Variants in TMEM39A observed in about 807,000 individuals in gnomAD.
The protein encoded by TMEM39A is transmembrane protein 39A, also known as suppressor of SQST-1 aggregates in rpl-43 mutants.
TMEM39A carries 19 observed loss-of-function variants against 51.9 expected under a neutral mutation model. The observed-to-expected ratio is 0.37, with a 90% confidence interval of 0.26 to 0.54. The LOEUF (loss-of-function observed/expected upper bound fraction) is 0.54, where lower values mean the gene tolerates loss of function less well. Among genes scored for constraint, TMEM39A ranks in the 20% least tolerant of loss-of-function variants. The pLI, the probability that TMEM39A is intolerant of heterozygous loss-of-function variation, is 0.88. For missense variants in TMEM39A, 433 were observed against 590.5 expected, an observed-to-expected ratio of 0.73 and a Z score of 2.76; for synonymous variants, 197 against 220.2, an observed-to-expected ratio of 0.89 and a Z score of 0.93.
chr3:119,431,908 A>G lies in TMEM39A; in HGVS notation c.*73T>C, dbSNP rs940689916. 1 of 1,036,786 alleles carries G rather than the reference A, an allele frequency of 9.6e-7. No individual in the cohort carries two copies. The highest frequency in any genetic ancestry group is 1.4e-6 in the Non-Finnish European group (1 of 735,948). 64.2% of individuals were successfully genotyped at this position (1,036,786 alleles called of 1,614,324 possible). On this transcript the variant is annotated 3_prime_UTR_variant, in exon 9 of 9. Coordinates refer to ENST00000319172, the MANE Select transcript of TMEM39A (RefSeq NM_018266.3). ...AATATAAAATATCTTAAATATTTAT[A>G]AAAATCACAAGAAAAAAATAGAACG...
intron 2 of TMEM39A, 133 bp from the exon 3 acceptor site, chr3:119,458,373 C>T (rs2081294094): frequency 1.4e-6 from 1 of 693,132 alleles, no homozygotes; most frequent in South Asian, 1.9e-5. Flanking sequence ...CTGGGATCCT[C>T]TTTTCTCCCT....
intron 8 of TMEM39A, among the ~76,000 whole-genome samples, chr3:119,433,889 A>T (rs551730324): frequency 2.3e-4 from 35 of 152,332 alleles, no homozygotes; most frequent in African/African-American, 8.2e-4. Context: ...GCAAGTTCCC[A>T]AAACTTAATT....
intron 4 of TMEM39A, among the ~76,000 whole-genome samples, chr3:119,450,334 GC>G (rs1009083466): frequency 6.6e-6 from 1 of 151,964 alleles, no homozygotes; most frequent in African/African-American, 2.4e-5. Context: ...TCTGCACCTT[GC>G]TTTTTTCATT....
chr3:119,449,352 T>C (rs1012979993), intron 4 of TMEM39A, among the ~76,000 whole-genome samples: 1 of 152,168 alleles, frequency 6.6e-6, no homozygotes, highest in African/African-American at 2.4e-5. Context: ...GGCAGGTGGA[T>C]CACCTGAGGT....
chr3:119,449,474 C>T (rs879765489), intron 4 of TMEM39A, among the ~76,000 whole-genome samples: 3 of 151,180 alleles, frequency 2.0e-5, no homozygotes, highest in African/African-American at 4.9e-5. Context: ...CTTGGGAGGC[C>T]GAGGCAGGAG....
At chr3:119,435,793 A>G in intron 7 of TMEM39A, 1 of 1,224,390 alleles carries the variant, frequency 8.2e-7, no homozygotes, top group Non-Finnish European at 1.1e-6. Flanking sequence ...GCCATGTGCC[A>G]TCAGTAGCCT....
At chr3:119,435,407 C>G in intron 7 of TMEM39A, 1 of 984,896 alleles carries the variant, frequency 1.0e-6, no homozygotes, top group Non-Finnish European at 1.2e-6. Context: ...AGAAGATATA[C>G]AGTAGAACAC....
chr3:119,460,694 A>G (rs2081325605), intron 2 of TMEM39A, among the ~76,000 whole-genome samples: 1 of 152,330 alleles, frequency 6.6e-6, no homozygotes, highest in Admixed American at 6.5e-5. Flanking sequence ...GAATCCTCAA[A>G]GCCAAAGTCA....
intron 8 of TMEM39A, among the ~76,000 whole-genome samples, chr3:119,434,113 C>G (rs2080936136): frequency 6.6e-6 from 1 of 152,194 alleles, no homozygotes; most frequent in South Asian, 2.1e-4. Flanking sequence ...TCCCCACTTG[C>G]ATTAGTCAGC....
intron 7 of TMEM39A, among the ~76,000 whole-genome samples, chr3:119,436,437 G>A (rs13081067): frequency 0.15 from 22,085 of 152,180 alleles, 2,015 homozygotes; most frequent in Admixed American, 0.2. Context: ...TGGCAATGAA[G>A]ATGAGAAGAC....
At chr3:119,456,578 C>T (rs1025821438) in intron 3 of TMEM39A, among the ~76,000 whole-genome samples, 1 of 152,174 alleles carries the variant, frequency 6.6e-6, no homozygotes, top group South Asian at 2.1e-4. Flanking sequence ...AGTCTTCTTT[C>T]GCCTAGAGCC....
chr3:119,455,457 T>G (rs1181750224), intron 3 of TMEM39A, among the ~76,000 whole-genome samples: 1 of 152,248 alleles, frequency 6.6e-6, no homozygotes, highest in Admixed American at 6.5e-5. Context: ...GTTCCTCTAC[T>G]GCAGAGGCTG....
chr3:119,439,210 C>A (rs979338735), intron 5 of TMEM39A, among the ~76,000 whole-genome samples: 1 of 152,172 alleles, frequency 6.6e-6, no homozygotes, highest in Non-Finnish European at 1.5e-5. Context: ...TAAGTAATTT[C>A]CACATTGTGA....
At chr3:119,439,736 G>A (rs540900896) in intron 5 of TMEM39A, among the ~76,000 whole-genome samples, 4 of 152,082 alleles carry the variant, frequency 2.6e-5, no homozygotes, top group South Asian at 4.2e-4. Context: ...GCCCTTGGGA[G>A]GACAAGAGTG....
intron 4 of TMEM39A, among the ~76,000 whole-genome samples, chr3:119,449,433 G>C (rs1248678164): frequency 6.6e-6 from 1 of 152,056 alleles, no homozygotes; most frequent in Non-Finnish European, 1.5e-5. Context: ...AATTATCTGG[G>C]CATGGTGGTG....
In TMEM39A at chr3:119,432,103, G is replaced by C; in HGVS notation, c.1345C>G (p.Leu449Val). 1 of 1,613,300 alleles carries C rather than the reference G, an allele frequency of 6.2e-7. No homozygotes were observed. Among genetic ancestry groups the C allele is most frequent in the Non-Finnish European group, 8.5e-7 (1 of 1,179,488 alleles). Reference protein sequence around the residue: ...LLRSEKWNHTLSMALILFCNY... With the variant: ...LLRSEKWNHTVSMALILFCNY... ...CAGAAGAGGATGAGAGCCATGGAAA[G>C]TGTGTGGTTCCACTTCTCCGACCGC... The change falls in exon 9 of 9, where the codon CTT (leucine) becomes GTT (valine). Residue 449 changes from leucine (L) to valine (V), a missense_variant. Physicochemically the swap from Leu to Val is conservative, Grantham distance 32. This residue lies in a region of TMEM39A where 223 missense variants were observed against 328.1 expected (regional missense o/e 0.68). Coordinates refer to ENST00000319172, the MANE Select transcript of TMEM39A (RefSeq NM_018266.3).
At chr3:119,457,415 C>A (rs1187067363) in intron 3 of TMEM39A, among the ~76,000 whole-genome samples, 1 of 152,184 alleles carries the variant, frequency 6.6e-6, no homozygotes, top group Non-Finnish European at 1.5e-5. Context: ...AGCTAAAGGA[C>A]TATATTTAGC....
chr3:119,452,611 C>T, intron 3 of TMEM39A, 81 bp from the exon 4 acceptor site: 2 of 1,117,224 alleles, frequency 1.8e-6, no homozygotes, highest in Non-Finnish European at 2.6e-6. Context: ...AGAGGTTTAT[C>T]CCTCAAAAGA....
intron 5 of TMEM39A, among the ~76,000 whole-genome samples, chr3:119,444,487 G>C (rs2081097081): frequency 6.6e-6 from 1 of 152,178 alleles, no homozygotes; most frequent in African/African-American, 2.4e-5. Context: ...TTAAATAACT[G>C]TTTAAACAAT....
Sources: gnomAD v4.1 joint callset for allele counts (sites outside exome capture counted in the v4.1 genomes callset) on GRCh38, gnomAD v4.1.1 for gene constraint, gnomAD v4.1.1 regional missense constraint, MANE v1.5 for transcripts, NCBI Gene and HGNC (gene_info 2026-07-23, HGNC 2026-07-21) for gene names.